SLC6A16: variants seen among roughly 807,000 people sequenced by gnomAD.
SLC6A16 encodes solute carrier family 6 member 16.
A neutral mutation model predicts 65.4 loss-of-function variants in SLC6A16; 54 were observed. The observed-to-expected ratio is 0.83, with a 90% CI of 0.66 to 1.04. The LOEUF (loss-of-function observed/expected upper bound fraction) is 1.04, where lower values mean the gene tolerates loss of function less well. Ranked by LOEUF, SLC6A16 falls within the 50% of genes least tolerant of loss-of-function variation. The probability of loss-of-function intolerance (pLI) is 0.00; values close to 1 mark genes in which losing one functional copy is unlikely to be tolerated. For missense variants in SLC6A16, 816 were observed against 914.0 expected (o/e 0.89, Z 1.38); for synonymous variants, 330 against 346.5 (o/e 0.95, Z 0.53).
At chr19:49,320,869 T>G (rs1446162503) in intron 1 of SLC6A16, among the ~76,000 whole-genome samples, 1 of 152,132 alleles carries the variant, frequency 6.6e-6, no homozygotes, top group African/African-American at 2.4e-5. Flanking sequence ...GAATTGGTAA[T>G]CAAAAATCTC....
upstream of SLC6A16, among the ~76,000 whole-genome samples, chr19:49,328,983 C>A (rs1970823579): frequency 6.6e-6 from 1 of 152,228 alleles, no homozygotes; most frequent in Admixed American, 6.5e-5. Context: ...ATGACTACAG[C>A]CCCAGCCAAC....
At chr19:49,293,667 G>A (rs1236941795) in intron 9 of SLC6A16, among the ~76,000 whole-genome samples, 160 bp downstream of exon 9, 1 of 152,102 alleles carries the variant, frequency 6.6e-6, no homozygotes, top group Non-Finnish European at 1.5e-5. Flanking sequence ...GGGAGGCTGA[G>A]GTGGGAGGAT....
At chr19:49,320,884 C>G (rs1391776136) in intron 1 of SLC6A16, among the ~76,000 whole-genome samples, 1 of 152,130 alleles carries the variant, frequency 6.6e-6, no homozygotes, top group Non-Finnish European at 1.5e-5. Context: ...AATCTCTCAA[C>G]AAAGAAAAGC....
intron 1 of SLC6A16, among the ~76,000 whole-genome samples, chr19:49,316,080 T>C (rs567021467): frequency 6.6e-6 from 1 of 152,296 alleles, no homozygotes; most frequent in East Asian, 1.9e-4. Context: ...TTTAGCAAGA[T>C]TGTTGGATGC....
chr19:49,325,169 G>GTT lies in SLC6A16; in HGVS notation c.-188_-187dup. 1.0e-6 allele frequency: 1 copy of GTT among 985,504 alleles called. No homozygotes were observed. The highest frequency in any genetic ancestry group is 1.2e-6 in the Non-Finnish European group (1 of 829,964). 61.0% of individuals were successfully genotyped at this position (985,504 alleles called of 1,614,324 possible). ...GGCCCCTTCAGGCGTCGACAGATCG[G>GTT]TTTGGGCGACACCCCTCGATCTGCC... On this transcript the variant is annotated 5_prime_UTR_variant, in exon 1 of 12. Transcript: ENST00000335875.
At chr19:49,307,755 GA>G (rs928241243) in intron 7 of SLC6A16, among the ~76,000 whole-genome samples, 18 of 144,292 alleles carry the variant, frequency 1.2e-4, no homozygotes, top group South Asian at 4.5e-4. Flanking sequence ...AAAAGAAAAA[GA>G]AAAAAAAAAG....
intron 7 of SLC6A16, among the ~76,000 whole-genome samples, chr19:49,295,401 T>C (rs2146077802): frequency 6.6e-6 from 1 of 152,128 alleles, no homozygotes; most frequent in Admixed American, 6.5e-5. Context: ...ATTCAGCTCA[T>C]TGCTCTGTAA....
chr19:49,317,503 A>C (rs2146160074), intron 1 of SLC6A16, among the ~76,000 whole-genome samples: 1 of 152,222 alleles, frequency 6.6e-6, no homozygotes, highest in African/African-American at 2.4e-5. Flanking sequence ...CTCCACAAAA[A>C]CACTACAAAA....
Position 49,289,894 on chromosome 19 carries a change from G to A in SLC6A16, c.*229C>T, listed in dbSNP as rs1022644632. 6 of 574,354 alleles carry A rather than the reference G, an allele frequency of 1.0e-5. No homozygotes were observed. The highest frequency in any genetic ancestry group is 1.9e-5 in the Non-Finnish European group (6 of 322,224). 35.6% of individuals were successfully genotyped at this position (574,354 alleles called of 1,614,324 possible). On this transcript the variant is annotated 3_prime_UTR_variant, in exon 12 of 12. Transcript: ENST00000335875. Reference sequence around the variant, plus strand: ...TATTGTATATGTGTTGTGCATGTATGTGTGTTGAGGAAGAGGATGGGGAAA... The same window carrying A: ...TATTGTATATGTGTTGTGCATGTATATGTGTTGAGGAAGAGGATGGGGAAA...
chr19:49,309,609 A>T (rs1261717318), intron 5 of SLC6A16, 42 bp downstream of exon 5: 3 of 1,573,014 alleles, frequency 1.9e-6, no homozygotes, highest in Non-Finnish European at 2.6e-6. Context: ...GTAAGGGCTA[A>T]AGCATCTGAG....
intron 1 of SLC6A16, among the ~76,000 whole-genome samples, chr19:49,311,824 G>C (rs1970529112): frequency 6.7e-6 from 1 of 150,370 alleles, no homozygotes. Context: ...ACTCCAGCTT[G>C]GGAGACAGAG....
chr19:49,340,330 C>A, the SLC6A16 span: 1 of 1,605,632 alleles, frequency 6.2e-7, no homozygotes, highest in Non-Finnish European at 8.5e-7. Context: ...TACCGTTAGG[C>A]CCCGCCCTCC....
chr19:49,338,041 TCCTCCAGTTC>T, the SLC6A16 span: 1 of 1,612,410 alleles, frequency 6.2e-7, no homozygotes, highest in Non-Finnish European at 8.5e-7. This position sits in a 1 kb window ranked among gnomAD's most constrained non-coding sequence, Gnocchi z 5.0. Flanking sequence ...TAAGCCCCCC[TCCTCCAGTTC>T]CCTCCCGGAC....
At chr19:49,308,093 G>C (rs1263489994) in intron 7 of SLC6A16, among the ~76,000 whole-genome samples, 1 of 151,502 alleles carries the variant, frequency 6.6e-6, no homozygotes, top group African/African-American at 2.4e-5. Context: ...CAAGGTTCTA[G>C]TACAGAGAAT....
At chr19:49,294,231 G>A in intron 8 of SLC6A16, 136 bp downstream of exon 8, 3 of 945,830 alleles carry the variant, frequency 3.2e-6, no homozygotes, top group Non-Finnish European at 4.8e-6. Context: ...GCAAAGTATA[G>A]TACTTTGTAT....
chr19:49,314,611 T>TC (rs549195845), intron 1 of SLC6A16, among the ~76,000 whole-genome samples: 2 of 151,778 alleles, frequency 1.3e-5, no homozygotes, highest in South Asian at 4.2e-4. Context: ...CACAAGATAT[T>TC]CCCCCCAAAA....
intron 1 of SLC6A16, among the ~76,000 whole-genome samples, chr19:49,324,530 C>G (rs187180612): frequency 6.6e-6 from 1 of 152,120 alleles, no homozygotes; most frequent in East Asian, 1.9e-4. Flanking sequence ...GCCCCTACAC[C>G]GTCATCCCAA....
At chr19:49,319,532 C>CTTATA (rs1600651502) in intron 1 of SLC6A16, among the ~76,000 whole-genome samples, 1 of 149,312 alleles carries the variant, frequency 6.7e-6, no homozygotes, top group Non-Finnish European at 1.5e-5. Context: ...TATACATATA[C>CTTATA]CTATACGATA....
At chr19:49,337,523 G>T in the SLC6A16 span, 1 of 789,592 alleles carries the variant, frequency 1.3e-6, no homozygotes, top group South Asian at 1.8e-5. Context: ...TTGGGAGGTC[G>T]AGGTGGGAGG....
Sources: gnomAD v4.1 joint callset for allele counts (sites outside exome capture counted in the v4.1 genomes callset) on GRCh38, gnomAD v4.1.1 for gene constraint, Gnocchi (gnomAD v3.1) non-coding constraint, MANE v1.5 for transcripts, NCBI Gene and HGNC (gene_info 2026-07-23, HGNC 2026-07-21) for gene names.